Variants in SH2D1B observed in about 807,000 individuals in gnomAD.
SH2D1B encodes SH2 domain containing 1B.
In SH2D1B, 11 loss-of-function variants were observed where a neutral mutation model predicts 16.3. The ratio of observed to expected loss-of-function variants is 0.67; its 90% confidence interval spans 0.42 to 1.11. The LOEUF is 1.11. Ranked by LOEUF, SH2D1B falls within the 50% of genes most tolerant of loss-of-function variation. SH2D1B has a pLI of 0.00. For missense variants in SH2D1B, 123 were observed against 153.1 expected, an observed-to-expected ratio of 0.80 and a Z score of 1.04; for synonymous variants, 55 against 56.1, an observed-to-expected ratio of 0.98 and a Z score of 0.09.
In SH2D1B at chr1:162,395,793, A is replaced by AGTT. The variant is rs1409262841; in HGVS notation, c.*1484_*1486dup. On this transcript the variant is annotated 3_prime_UTR_variant, in exon 4 of 4. Transcript: ENST00000367929. Reference sequence around the variant, plus strand: ...AATCTAACAGAATATACAAGACTTCAGTTGGGAAAATTTATGACTCCATGA... The same window carrying AGTT: ...AATCTAACAGAATATACAAGACTTCAGTTGTTGGGAAAATTTATGACTCCATGA... 1 of 152,210 alleles carries AGTT rather than the reference A, an allele frequency of 6.6e-6. No homozygotes were observed. Among genetic ancestry groups the AGTT allele is most frequent in the Non-Finnish European group, 1.5e-5 (1 of 68,024 alleles). 9.4% of individuals were successfully genotyped at this position (152,210 alleles called of 1,614,324 possible). A position where few individuals can be genotyped will look rare whatever the true frequency, so the allele number is the denominator to read the frequency against.
At chr1:162,400,519 T>C (rs898620081) in intron 2 of SH2D1B, among the ~76,000 whole-genome samples, 3 of 146,770 alleles carry the variant, frequency 2.0e-5, no homozygotes, top group African/African-American at 7.5e-5. Context: ...TTAGCCAGGA[T>C]GGTCTCGATC....
rs1172751501 is a variant in SH2D1B at position 162,403,488 on chromosome 1, G to GAAAAAAAAA, written c.135-695_135-687dup. Among the ~76,000 whole-genome samples the GAAAAAAAAA allele has an allele frequency of 1.3e-3, 27 of 20,644 alleles. 1 individual carries two copies. Among genetic ancestry groups the GAAAAAAAAA allele is most frequent in the East Asian group, 3.2e-3 (3 of 936 alleles). 13.5% of individuals were successfully genotyped at this position (20,644 alleles called of 152,430 possible). On this transcript the variant is annotated intron_variant, in intron 1 of 3. Coordinates refer to ENST00000367929, the MANE Select transcript of SH2D1B (RefSeq NM_053282.5). ...TGGGCGACAGAGCGAGACTCTGTCTGAAAAAAAAAAAAAAAAAAAAAAAAT... is the reference window on the plus strand; with the variant it reads ...TGGGCGACAGAGCGAGACTCTGTCTGAAAAAAAAAAAAAAAAAAAAAAAAAAAAAAAAAT...
chr1:162,404,129 A>T (rs1648597079), intron 1 of SH2D1B, among the ~76,000 whole-genome samples: 1 of 152,162 alleles, frequency 6.6e-6, no homozygotes, highest in Non-Finnish European at 1.5e-5. Flanking sequence ...TAAGGTCAGG[A>T]ATTCAAGACC....
chr1:162,404,278 G>A (rs1648599729), intron 1 of SH2D1B, among the ~76,000 whole-genome samples: 1 of 152,160 alleles, frequency 6.6e-6, no homozygotes, highest in Admixed American at 6.5e-5. Context: ...GGAGGCTGCA[G>A]TGAGCCGAGA....
At chr1:162,400,286 C>CTTTT (rs1241054289) in intron 2 of SH2D1B, among the ~76,000 whole-genome samples, 114 of 83,294 alleles carry the variant, frequency 1.4e-3, no homozygotes, top group East Asian at 1.6e-3. Flanking sequence ...ACACCACGTA[C>CTTTT]TTTTTTTTTT....
rs1290421319 is a variant in SH2D1B at position 162,403,506 on chromosome 1, AAAAAAATATATATATATATAT to A, written c.135-725_135-705del. Reference sequence around the variant, plus strand: ...TCTGTCTGAAAAAAAAAAAAAAAAAAAAAAAATATATATATATATATATATATATATATATATGTAATTACT... The same window carrying A: ...TCTGTCTGAAAAAAAAAAAAAAAAAAATATATATATATATATGTAATTACT... On this transcript the variant is annotated intron_variant, in intron 1 of 3. Transcript: ENST00000367929. 4.0e-3 allele frequency among the ~76,000 whole-genome samples: 98 copies of A among 24,432 alleles called. 3 individuals are homozygous for A. The highest frequency in any genetic ancestry group is 0.013 in the East Asian group (9 of 698). 16.0% of individuals were successfully genotyped at this position (24,432 alleles called of 152,430 possible).
chr1:162,399,361 G>C (rs1014760338), intron 2 of SH2D1B, among the ~76,000 whole-genome samples: 2 of 152,172 alleles, frequency 1.3e-5, no homozygotes, highest in Admixed American at 6.5e-5. Flanking sequence ...AAGTTTACCT[G>C]GGGCAGTTCT....
At chr1:162,411,087 C>A (rs1176572356) in intron 1 of SH2D1B, among the ~76,000 whole-genome samples, 1 of 151,850 alleles carries the variant, frequency 6.6e-6, no homozygotes, top group African/African-American at 2.4e-5. Flanking sequence ...TCTCAAGTAG[C>A]CAGTATTACA....
At chr1:162,402,322 C>G (rs1648533999) in intron 2 of SH2D1B, among the ~76,000 whole-genome samples, 1 of 152,132 alleles carries the variant, frequency 6.6e-6, no homozygotes, top group South Asian at 2.1e-4. Context: ...ACCATCCTGT[C>G]TAACACGGCG....
At position 162,407,594 on chromosome 1, in the gene SH2D1B, G is replaced by A. The variant is rs1335309478; in HGVS notation, c.134+4289C>T. Among the ~76,000 whole-genome samples the A allele has an allele frequency of 2.0e-5, 3 of 152,324 alleles. No homozygotes were observed. The East Asian group carries it at 5.8e-4, about 29-fold the overall frequency. On this transcript the variant is annotated intron_variant, in intron 1 of 3. Transcript: ENST00000367929. ...TGCTTAGCAAAATGTTTGGCTCATA[G>A]ATAATACCTACATGGTAACTTTTTC...
At chr1:162,406,451 C>G (rs351454) in intron 1 of SH2D1B, among the ~76,000 whole-genome samples, 45,003 of 151,994 alleles carry the variant, frequency 0.3, 6,877 homozygotes, top group Middle Eastern at 0.43. Flanking sequence ...GGTTGCAAGC[C>G]ATCATGTATA....
At chr1:162,401,898 T>C (rs953119173) in intron 2 of SH2D1B, among the ~76,000 whole-genome samples, 2 of 152,238 alleles carry the variant, frequency 1.3e-5, no homozygotes, top group African/African-American at 4.8e-5. Flanking sequence ...TGTTAGCAGT[T>C]ATGTTTATTA....
intron 1 of SH2D1B, among the ~76,000 whole-genome samples, chr1:162,405,403 C>T (rs1280648131): frequency 6.6e-6 from 1 of 152,150 alleles, no homozygotes; most frequent in Non-Finnish European, 1.5e-5. Context: ...AAATTGTACA[C>T]TTTTTATTTT....
At chr1:162,405,426 C>A (rs944859296) in intron 1 of SH2D1B, among the ~76,000 whole-genome samples, 5 of 151,966 alleles carry the variant, frequency 3.3e-5, no homozygotes, top group Non-Finnish European at 7.4e-5. Flanking sequence ...GTCAGTGATA[C>A]CTCAATAAAG....
At chr1:162,410,148 T>C (rs1234600117) in intron 1 of SH2D1B, among the ~76,000 whole-genome samples, 1 of 152,216 alleles carries the variant, frequency 6.6e-6, no homozygotes, top group Non-Finnish European at 1.5e-5. Flanking sequence ...ATCAGATTCC[T>C]CATCCTCCAC....
At chr1:162,403,165 A>G (rs1648563843) in intron 1 of SH2D1B, among the ~76,000 whole-genome samples, 1 of 152,152 alleles carries the variant, frequency 6.6e-6, no homozygotes, top group Non-Finnish European at 1.5e-5. Flanking sequence ...AGCCATATGG[A>G]AAACAGTATG....
chr1:162,402,824 GAATCAAAATGTTCTATGCA>G, intron 1 of SH2D1B, 22 bp from the exon 2 acceptor site: 1 of 1,586,016 alleles, frequency 6.3e-7, no homozygotes, highest in Non-Finnish European at 8.7e-7. Context: ...ATGACTGTGT[GAATCAAAATGTTCTATGCA>G]AATCCAGGTA....
chr1:162,410,778 T>A (rs1464961500), intron 1 of SH2D1B, among the ~76,000 whole-genome samples: 32 of 150,206 alleles, frequency 2.1e-4, no homozygotes. Flanking sequence ...TGCCTCAGCC[T>A]CCCAAATAGC....
At chr1:162,402,309 G>C (rs1011027092) in intron 2 of SH2D1B, among the ~76,000 whole-genome samples, 1 of 152,046 alleles carries the variant, frequency 6.6e-6, no homozygotes, top group Non-Finnish European at 1.5e-5. Flanking sequence ...TCAGGAGATC[G>C]AGACCATCCT....
Sources: gnomAD v4.1 joint callset for allele counts (sites outside exome capture counted in the v4.1 genomes callset) on GRCh38, gnomAD v4.1.1 for gene constraint, MANE v1.5 for transcripts, NCBI Gene and HGNC (gene_info 2026-07-23, HGNC 2026-07-21) for gene names.